Variants in KIF3B observed in about 807,000 individuals in gnomAD.
KIF3B encodes the protein kinesin family member 3B, also known as kinesin-like protein KIF3B.
KIF3B carries 38 observed loss-of-function variants against 74.3 expected under a neutral mutation model. That is an observed-to-expected ratio of 0.51 (90% CI 0.39 to 0.67). The LOEUF (loss-of-function observed/expected upper bound fraction) is 0.67, where lower values mean the gene tolerates loss of function less well. Ranked by LOEUF, KIF3B falls within the 30% of genes least tolerant of loss-of-function variation. The pLI is 0.00. For missense variants in KIF3B, 649 were observed against 932.0 expected (o/e 0.70, Z 3.95); for synonymous variants, 326 against 342.5 (o/e 0.95, Z 0.53).
At chr20:32,327,722 C>T (rs1478453172) in intron 7 of KIF3B, 61 bp downstream of exon 7, 1 of 1,236,624 alleles carries the variant, frequency 8.1e-7, no homozygotes, top group African/African-American at 1.5e-5. Context: ...TTGTGTAAGC[C>T]CTTAGATACT....
In KIF3B at chr20:32,316,271, T is replaced by C. The variant is rs755351238; in HGVS notation, c.1458T>C (p.Asn486=). Residue 486 remains asparagine, a synonymous_variant, in exon 3 of 9, where the codon AAT becomes AAC. Coordinates refer to ENST00000375712, the MANE Select transcript of KIF3B (RefSeq NM_004798.4). ...GAAAAAATATAGTAGATCATACGAA[T>C]GAACAGCAGAAAATCCTGGAGCAGA... The part of the protein sequence containing the change: ...VGGKNIVDHT[N]EQQKILEQKR... 1.2e-6 allele frequency: 2 copies of C among 1,613,904 alleles called. No homozygotes were observed. Among genetic ancestry groups the C allele is most frequent in the Middle Eastern group, 1.6e-4 (1 of 6,062 alleles).
At chr20:32,298,163 T>G in intron 1 of KIF3B, among the ~76,000 whole-genome samples, 2 of 147,776 alleles carry the variant, frequency 1.4e-5, no homozygotes, top group African/African-American at 2.5e-5. Flanking sequence ...TCAGGCCTGG[T>G]GCAATGTCAC....
At position 32,324,223 on chromosome 20, in the gene KIF3B, A is replaced by G. The variant is rs535267652; in HGVS notation, c.1749-2548A>G. ...CTTTATTTAGCTCTAACTGAAAGCT[A>G]TCTCTGAAGCACGGGTTCCCAACCT... On this transcript the variant is annotated intron_variant, in intron 5 of 8. Transcript: ENST00000375712. Among the ~76,000 whole-genome samples, 3 of 152,308 alleles carry G rather than the reference A, an allele frequency of 2.0e-5. No homozygotes were observed. In the South Asian group the frequency reaches 6.2e-4, roughly 32 times the overall value.
intron 5 of KIF3B, among the ~76,000 whole-genome samples, chr20:32,319,403 A>G (rs77921562): frequency 0.014 from 2,149 of 151,446 alleles, 53 homozygotes; most frequent in African/African-American, 0.049. Flanking sequence ...TCACGGGCTT[A>G]TTGGCCATTT....
At chr20:32,296,551 T>C (rs1171734420) in intron 1 of KIF3B, among the ~76,000 whole-genome samples, 2 of 151,826 alleles carry the variant, frequency 1.3e-5, no homozygotes, top group African/African-American at 2.4e-5. Context: ...TGAGCCAAGA[T>C]TGCACCACAG....
rs770576135 is a variant in KIF3B, at chr20:32,316,619, G to A, written c.1599G>A (p.Glu533=). ...AGACATACAGCTCATTGCAGCAAGA[G>A]GTGGACATCAAGACCAAAAAACTCA... ...LKETYSSLQQ[E]VDIKTKKLKK... is the part of the protein sequence containing the mutation. The change falls in exon 4 of 9, where the codon GAG becomes GAA. Residue 533 remains glutamate, a synonymous_variant. Coordinates refer to ENST00000375712, the MANE Select transcript of KIF3B (RefSeq NM_004798.4). The A allele has an allele frequency of 1.7e-5, 27 of 1,614,022 alleles. No individual in the cohort carries two copies. Among genetic ancestry groups the A allele is most frequent in the South Asian group, 2.2e-5 (2 of 91,078 alleles).
In KIF3B at chr20:32,334,043, A is replaced by G. The variant is rs3813921; in HGVS notation, c.*2724A>G. The G allele has an allele frequency of 0.2, 31,034 of 152,548 alleles. 3,514 individuals carry two copies. The highest frequency in any genetic ancestry group is 0.3 in the African/African-American group (12,516 of 41,472). 9.4% of individuals were successfully genotyped at this position (152,548 alleles called of 1,614,324 possible). On this transcript the variant is annotated 3_prime_UTR_variant, in exon 9 of 9. Transcript: ENST00000375712. ...TGAGGGACTAGGTTTTCATGTCTCTAGTCATACCTAGAATGTTCTGAGCCG... is the reference window on the plus strand; with the variant it reads ...TGAGGGACTAGGTTTTCATGTCTCTGGTCATACCTAGAATGTTCTGAGCCG...
intron 1 of KIF3B, among the ~76,000 whole-genome samples, chr20:32,284,474 G>A (rs1432358871): frequency 6.6e-6 from 1 of 152,118 alleles, no homozygotes; most frequent in East Asian, 1.9e-4. Flanking sequence ...GATGTACCAT[G>A]TCCCCAGGAC....
intron 1 of KIF3B, among the ~76,000 whole-genome samples, chr20:32,279,738 AC>A (rs1191622510): frequency 2.0e-5 from 3 of 152,224 alleles, no homozygotes; most frequent in Non-Finnish European, 4.4e-5. Flanking sequence ...GACTGGGATT[AC>A]AGGCATGAGC....
chr20:32,296,464 ATGGTGGGTGCC>A lies in KIF3B; in HGVS notation c.-65-13246_-65-13236del, dbSNP rs547211935. Among the ~76,000 whole-genome samples, 187 of 152,046 alleles carry A rather than the reference ATGGTGGGTGCC, an allele frequency of 1.2e-3. 1 individual carries two copies. Among genetic ancestry groups the A allele is most frequent in the African/African-American group, 4.1e-3 (172 of 41,510 alleles). ...AAAATACAAAAATTAGCTCGGTGTG[ATGGTGGGTGCC>A]TGCCATCCCAGCTACTCGGGAGGCT... On this transcript the variant is annotated intron_variant, in intron 1 of 8. Coordinates refer to ENST00000375712, the MANE Select transcript of KIF3B (RefSeq NM_004798.4).
chr20:32,303,711 C>T (rs2047755236), intron 1 of KIF3B, among the ~76,000 whole-genome samples: 1 of 149,594 alleles, frequency 6.7e-6, no homozygotes, highest in Non-Finnish European at 1.5e-5. Flanking sequence ...AAAAATTAAC[C>T]ATGTGTGTTG....
chr20:32,296,282 G>T (rs1048146455), intron 1 of KIF3B, among the ~76,000 whole-genome samples: 11 of 151,896 alleles, frequency 7.2e-5, no homozygotes, highest in Non-Finnish European at 1.6e-4. Flanking sequence ...CTTTCCCCTT[G>T]ATTTTATTTT....
At chr20:32,315,877 C>G (rs955589471) in intron 2 of KIF3B, among the ~76,000 whole-genome samples, 1 of 152,008 alleles carries the variant, frequency 6.6e-6, no homozygotes, top group Non-Finnish European at 1.5e-5. Flanking sequence ...GTGATTCACA[C>G]TCACATTGCA....
chr20:32,292,178 A>C (rs1012257577), intron 1 of KIF3B, among the ~76,000 whole-genome samples: 1 of 151,880 alleles, frequency 6.6e-6, no homozygotes, highest in Non-Finnish European at 1.5e-5. Flanking sequence ...GGCTCAAGTG[A>C]TCCTCCCACC....
chr20:32,322,524 C>A (rs1184125884), intron 5 of KIF3B, among the ~76,000 whole-genome samples: 1 of 146,188 alleles, frequency 6.8e-6, no homozygotes, highest in Non-Finnish European at 1.5e-5. Context: ...AAGAGAATCG[C>A]TTGAACCCTG....
At chr20:32,287,436 C>T (rs2047672423) in intron 1 of KIF3B, among the ~76,000 whole-genome samples, 1 of 151,838 alleles carries the variant, frequency 6.6e-6, no homozygotes, top group Non-Finnish European at 1.5e-5. Context: ...GTCCTTCCAC[C>T]TCAGCTTCCT....
intron 1 of KIF3B, among the ~76,000 whole-genome samples, chr20:32,283,952 G>C (rs758770408): frequency 2.9e-4 from 43 of 150,474 alleles, no homozygotes; most frequent in Non-Finnish European, 4.4e-5. Flanking sequence ...GTCTCACTCT[G>C]TTGCCCAGGC....
In KIF3B at chr20:32,322,672, T is replaced by TTATATATATTTATA. The variant is rs1187964687; in HGVS notation, c.1749-4092_1749-4091insATTTATATATATAT. Among the ~76,000 whole-genome samples, 3 of 38,548 alleles carry TTATATATATTTATA rather than the reference T, an allele frequency of 7.8e-5. No homozygotes were observed. The African/African-American group carries it at 7.8e-4, about 10-fold the overall frequency. The allele number at this position is 38,548 out of a possible 152,430, so 25.3% of individuals were successfully genotyped here. On this transcript the variant is annotated intron_variant, in intron 5 of 8. Transcript: ENST00000375712. ...TATTTTTATATATTTATATATATAT[T>TTATATATATTTATA]TATATATTTATATATATTTATATAT...
intron 1 of KIF3B, among the ~76,000 whole-genome samples, chr20:32,292,583 G>GAAACAAAAAAAA (rs2047697386): frequency 1.4e-5 from 1 of 71,822 alleles, no homozygotes; most frequent in African/African-American, 4.7e-5. Context: ...ACTAAAAATA[G>GAAACAAAAAAAA]AAAAAAAAAA....
Sources: allele counts gnomAD v4.1 joint callset (sites outside exome capture counted in the v4.1 genomes callset), GRCh38; gene constraint gnomAD v4.1.1; transcripts MANE v1.5; gene names NCBI Gene and HGNC (gene_info 2026-07-23, HGNC 2026-07-21).